Variants in PECAM1 observed in about 807,000 individuals in gnomAD.
PECAM1 encodes platelet and endothelial cell adhesion molecule 1, also known as platelet endothelial cell adhesion molecule.
PECAM1 carries 8 observed loss-of-function variants against 13.8 expected under a neutral mutation model. The ratio of observed to expected loss-of-function variants is 0.58; its 90% CI spans 0.34 to 1.05. The LOEUF is 1.05. Among genes scored for constraint, PECAM1 ranks in the 50% least tolerant of loss-of-function variants. PECAM1 has a pLI of 0.03. For missense variants in PECAM1, 304 were observed against 141.2 expected (o/e 2.15, Z -5.84); for synonymous variants, 136 against 52.6 (o/e 2.58, Z -6.86).
chr17:64,330,288 G>C (rs1186896324), intron 14 of PECAM1, among the ~76,000 whole-genome samples: 1 of 151,804 alleles, frequency 6.6e-6, no homozygotes, highest in African/African-American at 2.4e-5. Flanking sequence ...CAAAGTGCTG[G>C]GATTACAAGT....
chr17:64,372,974 C>T (rs1248486736), intron 4 of PECAM1, among the ~76,000 whole-genome samples: 2 of 151,062 alleles, frequency 1.3e-5, no homozygotes, highest in Middle Eastern at 3.2e-3. Flanking sequence ...ATTAGCCAGG[C>T]GTGGTGGCAC....
chr17:64,321,862 G>C lies in PECAM1; in HGVS notation c.*1954C>G, dbSNP rs184539069. 1.9e-5 allele frequency: 25 copies of C among 1,350,134 alleles called. No homozygotes were observed. Among genetic ancestry groups the C allele is most frequent in the Middle Eastern group, 2.1e-4 (1 of 4,764 alleles). 83.6% of individuals were successfully genotyped at this position (1,350,134 alleles called of 1,614,324 possible). On this transcript the variant is annotated 3_prime_UTR_variant, in exon 16 of 16. Transcript: ENST00000563924. ...GCTCCCGTGGCAATTGCCCTTCTCTGGTGGTGGCAAGGGACTAAGGAACTC... is the reference window on the plus strand; with the variant it reads ...GCTCCCGTGGCAATTGCCCTTCTCTCGTGGTGGCAAGGGACTAAGGAACTC...
chr17:64,389,762 G>C (rs945114774), intron 2 of PECAM1, among the ~76,000 whole-genome samples: 1 of 152,012 alleles, frequency 6.6e-6, no homozygotes, highest in South Asian at 2.1e-4. Context: ...TCTAGAAAAT[G>C]TGAGGCCGGG....
chr17:64,383,929 C>T lies in PECAM1; in HGVS notation c.92-5812G>A, dbSNP rs1472711041. Reference sequence around the variant, plus strand: ...GGTGGATCACCTGAGGTCAAGAGTTCGAGACCCGCTGGCCAACATGGTGAA... The same window carrying T: ...GGTGGATCACCTGAGGTCAAGAGTTTGAGACCCGCTGGCCAACATGGTGAA... On this transcript the variant is annotated intron_variant, in intron 2 of 15. Transcript: ENST00000563924. Among the ~76,000 whole-genome samples, 8 of 152,032 alleles carry T rather than the reference C, an allele frequency of 5.3e-5. 1 individual carries two copies. In the South Asian group the frequency reaches 1.5e-3, roughly 28 times the overall value.
chr17:64,369,054 A>C (rs2036178923), intron 5 of PECAM1, among the ~76,000 whole-genome samples: 1 of 142,042 alleles, frequency 7.0e-6, no homozygotes, highest in Non-Finnish European at 1.5e-5. Flanking sequence ...CTTGTGCCTC[A>C]GCCTCCCGAG....
At chr17:64,386,657 T>A (rs1249021164) in intron 2 of PECAM1, among the ~76,000 whole-genome samples, 1 of 151,998 alleles carries the variant, frequency 6.6e-6, no homozygotes, top group Non-Finnish European at 1.5e-5. Context: ...CGCAGCTGGG[T>A]GTGGTGGCTC....
At chr17:64,328,419 A>T (rs890248716) in intron 15 of PECAM1, among the ~76,000 whole-genome samples, 1 of 151,928 alleles carries the variant, frequency 6.6e-6, no homozygotes, top group African/African-American at 2.4e-5. Context: ...TCTGTTCCTC[A>T]CTCTATTAGC....
At chr17:64,386,129 G>A (rs998955897) in intron 2 of PECAM1, among the ~76,000 whole-genome samples, 7 of 152,214 alleles carry the variant, frequency 4.6e-5, no homozygotes, top group Non-Finnish European at 1.0e-4. Flanking sequence ...TTTCTGGGGT[G>A]TTGAAAATGT....
In PECAM1 at chr17:64,323,285, G is replaced by A. The variant is rs2034850996; in HGVS notation, c.*531C>T. 1 of 995,832 alleles carries A rather than the reference G, an allele frequency of 1.0e-6. No homozygotes were observed. The highest frequency in any genetic ancestry group is 1.7e-5 in the African/African-American group (1 of 57,284). 61.7% of individuals were successfully genotyped at this position (995,832 alleles called of 1,614,324 possible). On this transcript the variant is annotated 3_prime_UTR_variant, in exon 16 of 16. Transcript: ENST00000563924. ...TGGTTTTCCCATTTGTGGAGGGCGA[G>A]GTCATAGAGGGGACAGGGGGAGGCT...
chr17:64,375,128 C>T lies in PECAM1; in HGVS notation c.614G>A (p.Arg205Gln), dbSNP rs2036327594. ...VEEQDRVLSF[R>Q]CQARIISGIH... ...CCCAGAAATGATCCTAGCTTGACATCGGAAGGATAAAACGCGGTCCTGTTC... is the reference window on the plus strand; with the variant it reads ...CCCAGAAATGATCCTAGCTTGACATTGGAAGGATAAAACGCGGTCCTGTTC... The change falls in exon 4 of 16, where the codon CGA becomes CAA. Residue 205 changes from arginine to glutamine, a missense_variant. Transcript: ENST00000563924. 2.1e-6 allele frequency: 1 copy of T among 475,340 alleles called. No individual in the cohort carries two copies. Among genetic ancestry groups the T allele is most frequent in the East Asian group, 3.1e-5 (1 of 32,040 alleles). 29.4% of individuals were successfully genotyped at this position (475,340 alleles called of 1,614,324 possible). A position where few individuals can be genotyped will look rare whatever the true frequency, so the allele number is the denominator to read the frequency against.
rs1385358660 is a variant in PECAM1, at chr17:64,320,010, A to G, written c.*3806T>C. ...TGTTTGCCTAGCTCCCTACTCTAACATTTCCACTCTGTGGACCCCAGGTTG... is the reference window on the plus strand; with the variant it reads ...TGTTTGCCTAGCTCCCTACTCTAACGTTTCCACTCTGTGGACCCCAGGTTG... On this transcript the variant is annotated 3_prime_UTR_variant, in exon 16 of 16. Transcript: ENST00000563924. The G allele has an allele frequency of 3.3e-5, 5 of 152,098 alleles. No individual in the cohort carries two copies. Among genetic ancestry groups the G allele is most frequent in the African/African-American group, 9.7e-5 (4 of 41,402 alleles). 9.4% of individuals were successfully genotyped at this position (152,098 alleles called of 1,614,324 possible). A position where few individuals can be genotyped will look rare whatever the true frequency, so the allele number is the denominator to read the frequency against.
chr17:64,349,904 A>G (rs1233470375), intron 12 of PECAM1, among the ~76,000 whole-genome samples: 1 of 152,208 alleles, frequency 6.6e-6, no homozygotes, highest in African/African-American at 2.4e-5. Flanking sequence ...AACAAAAAAA[A>G]GAAAGAAAGG....
chr17:64,338,009 G>A (rs1177756954), intron 14 of PECAM1, among the ~76,000 whole-genome samples: 1 of 150,750 alleles, frequency 6.6e-6, no homozygotes, highest in Non-Finnish European at 1.5e-5. Flanking sequence ...CAGGGCCCCA[G>A]TCAGAAAACC....
intron 13 of PECAM1, among the ~76,000 whole-genome samples, chr17:64,346,955 C>T (rs2143756391): frequency 6.6e-6 from 1 of 152,244 alleles, no homozygotes; most frequent in East Asian, 1.9e-4. Flanking sequence ...TTTAGGAACA[C>T]ACTGGGTTTG....
intron 14 of PECAM1, among the ~76,000 whole-genome samples, chr17:64,339,805 G>C (rs907544713): frequency 6.6e-6 from 1 of 152,082 alleles, no homozygotes. Flanking sequence ...AGAAGTGATC[G>C]CTATTTCAGA....
At chr17:64,334,134 A>AAAG (rs2035204264) in intron 14 of PECAM1, among the ~76,000 whole-genome samples, 1 of 149,746 alleles carries the variant, frequency 6.7e-6, no homozygotes, top group African/African-American at 2.5e-5. Context: ...AAAAAAAAAA[A>AAAG]AAAAGCTGTG....
rs1400826989 is a variant in PECAM1 at position 64,321,795 on chromosome 17, C to T, written c.*2021G>A. The T allele has an allele frequency of 9.8e-6, 13 of 1,330,642 alleles. No individual in the cohort carries two copies. Among genetic ancestry groups the T allele is most frequent in the Middle Eastern group, 2.1e-4 (1 of 4,674 alleles). 82.4% of individuals were successfully genotyped at this position (1,330,642 alleles called of 1,614,324 possible). On this transcript the variant is annotated 3_prime_UTR_variant, in exon 16 of 16. Transcript: ENST00000563924. ...AAACAAAACAAAAAATTCAGTCGTG[C>T]TGCATAAGTAAGGCACCAGGAGTAG...
intron 13 of PECAM1, 138 bp downstream of exon 13, chr17:64,348,122 G>A (rs1285866362): frequency 3.7e-5 from 15 of 403,984 alleles, no homozygotes; most frequent in Admixed American, 1.3e-4. Context: ...TTAGCAGGCC[G>A]GTAGGTCTGC....
intron 5 of PECAM1, among the ~76,000 whole-genome samples, chr17:64,364,232 G>A (rs954367073): frequency 6.6e-6 from 1 of 152,164 alleles, no homozygotes; most frequent in Non-Finnish European, 1.5e-5. Flanking sequence ...AGGAGAAATG[G>A]ATAAATTCCT....
Sources: gnomAD v4.1 joint callset for allele counts (sites outside exome capture counted in the v4.1 genomes callset) on GRCh38, gnomAD v4.1.1 for gene constraint, MANE v1.5 for transcripts, NCBI Gene and HGNC (gene_info 2026-07-23, HGNC 2026-07-21) for gene names.